EPB41L3: variants seen among roughly 807,000 people sequenced by gnomAD.
EPB41L3 encodes the protein erythrocyte membrane protein band 4.1 like 3, also known as band 4.1-like protein 3.
In EPB41L3, 57 loss-of-function variants were observed where a neutral mutation model predicts 127.1. The observed-to-expected ratio is 0.45, with a 90% confidence interval of 0.36 to 0.56. The LOEUF is 0.56. EPB41L3 is among the 20% of genes least tolerant of loss of function. The probability of loss-of-function intolerance (pLI) is 0.00; values close to 1 mark genes in which losing one functional copy is unlikely to be tolerated. For missense variants in EPB41L3, 1,273 were observed against 1,372.2 expected (o/e 0.93, Z 1.14); for synonymous variants, 572 against 549.5 (o/e 1.04, Z -0.57).
At chr18:5,532,993 C>T (rs1055432107) in intron 1 of EPB41L3, among the ~76,000 whole-genome samples, 1 of 151,342 alleles carries the variant, frequency 6.6e-6, no homozygotes, top group African/African-American at 2.4e-5. Context: ...TTACTGGACA[C>T]TGGGCAAAAA....
In EPB41L3 at chr18:5,543,901, C is replaced by T; in HGVS notation, c.-12+12G>A. The T allele has an allele frequency of 8.1e-6, 8 of 984,784 alleles. No individual in the cohort carries two copies. The highest frequency in any genetic ancestry group is 8.4e-6 in the Non-Finnish European group (7 of 829,864). The allele number at this position is 984,784 out of a possible 1,614,324, so 61.0% of individuals were successfully genotyped here. A position where few individuals can be genotyped will look rare whatever the true frequency, so the allele number is the denominator to read the frequency against. ...CCTCGCAGTCCCCCACTCCGAGAGG[C>T]GGAAAAGTTACCTGGGATCAGCAGG... On this transcript the variant is annotated intron_variant, in intron 1 of 22. Coordinates refer to ENST00000341928, the MANE Select transcript of EPB41L3 (RefSeq NM_012307.5). The surrounding 1 kb of genome is among the most constrained non-coding windows in gnomAD (Gnocchi z 5.2).
At chr18:5,568,264 G>C (rs528711331) in intron 3 of EPB41L3, among the ~76,000 whole-genome samples, 3 of 151,960 alleles carry the variant, frequency 2.0e-5, no homozygotes, top group Middle Eastern at 6.8e-3. Context: ...TTTTAGGTGT[G>C]AACTTAAAAA....
intron 18 of EPB41L3, 51 bp from the exon 19 acceptor site, chr18:5,396,383 A>G (rs556863431): frequency 6.2e-7 from 1 of 1,608,990 alleles, no homozygotes; most frequent in South Asian, 1.1e-5. Flanking sequence ...GCATGAACAC[A>G]TTGTTTTCTT....
intron 1 of EPB41L3, chr18:5,518,639 G>C (rs548779323): frequency 2.0e-5 from 3 of 152,116 alleles, no homozygotes; most frequent in Non-Finnish European, 4.4e-5. Flanking sequence ...AGTCTTTGTT[G>C]AATAAACAAA....
At chr18:5,396,866 A>C (rs2073604596) in intron 18 of EPB41L3, among the ~76,000 whole-genome samples, 192 bp downstream of exon 18, 1 of 152,176 alleles carries the variant, frequency 6.6e-6, no homozygotes, top group Admixed American at 6.5e-5. Context: ...ATATGTTTGC[A>C]TGTGACACCA....
chr18:5,428,235 A>AT, intron 9 of EPB41L3, 78 bp downstream of exon 9: 1 of 1,544,460 alleles, frequency 6.5e-7, no homozygotes, highest in South Asian at 1.2e-5. Context: ...CTCAGAACTC[A>AT]TAAGCAGATA....
chr18:5,418,368 G>A (rs772523187), intron 12 of EPB41L3, among the ~76,000 whole-genome samples: 25 of 152,166 alleles, frequency 1.6e-4, no homozygotes, highest in South Asian at 2.1e-4. Context: ...CTTATCTTGG[G>A]AGCAAAACTA....
At chr18:5,561,132 T>G (rs1719989) in intron 3 of EPB41L3, among the ~76,000 whole-genome samples, 2 of 145,116 alleles carry the variant, frequency 1.4e-5, no homozygotes, top group Admixed American at 6.9e-5. Flanking sequence ...CGCCCGCCAC[T>G]ACGCCCGGCT....
chr18:5,553,787 G>A (rs1017589698), intron 3 of EPB41L3, among the ~76,000 whole-genome samples: 1 of 152,120 alleles, frequency 6.6e-6, no homozygotes, highest in Admixed American at 6.5e-5. Flanking sequence ...GCCACCCTGA[G>A]ACCCCTATAG....
At chr18:5,607,683 A>G (rs2094676103) in intron 3 of EPB41L3, among the ~76,000 whole-genome samples, 1 of 152,240 alleles carries the variant, frequency 6.6e-6, no homozygotes, top group African/African-American at 2.4e-5. Flanking sequence ...TTCCATTAAA[A>G]TATGTTTATA....
intron 1 of EPB41L3, among the ~76,000 whole-genome samples, chr18:5,529,936 G>GTGTGTGTA (rs2093358076): frequency 6.6e-6 from 1 of 150,858 alleles, no homozygotes; most frequent in Admixed American, 6.6e-5. Flanking sequence ...ATATGTGTGT[G>GTGTGTGTA]TGTGTGTGTG....
At chr18:5,630,659 C>T (rs2094983967), upstream of EPB41L3, 1 of 352,806 alleles carries the variant, frequency 2.8e-6, no homozygotes, top group Non-Finnish European at 5.4e-6. Context: ...GCTTCGGGCG[C>T]CTGTGACAGC....
At chr18:5,393,538 T>C in intron 22 of EPB41L3, 60 bp from the exon 23 acceptor site, 2 of 695,414 alleles carry the variant, frequency 2.9e-6, no homozygotes, top group African/African-American at 1.8e-5. Context: ...TTTTCTCAGA[T>C]CAAGGACACA....
In EPB41L3 at chr18:5,508,026, G is replaced by A. The variant is rs1490694729; in HGVS notation, c.-11-18832C>T. 41 of 152,114 alleles carry A rather than the reference G, an allele frequency of 2.7e-4. 1 individual carries two copies. The highest frequency in any genetic ancestry group is 2.4e-3 in the Admixed American group (36 of 15,274). The allele number at this position is 152,114 out of a possible 1,614,324, so 9.4% of individuals were successfully genotyped here. ...CTTGGGAGATAATTACTTACCCCAG[G>A]ACTTTCTCAGGAGGGAGATAAGGGA... On this transcript the variant is annotated intron_variant, in intron 1 of 22. Transcript: ENST00000341928.
intron 1 of EPB41L3, among the ~76,000 whole-genome samples, chr18:5,489,559 A>G (rs908282292): frequency 6.6e-6 from 1 of 152,184 alleles, no homozygotes; most frequent in Non-Finnish European, 1.5e-5. Context: ...ATATATTTCA[A>G]TCCCTTGGAA....
At chr18:5,484,062 C>CTT (rs2089144815) in intron 2 of EPB41L3, among the ~76,000 whole-genome samples, 1 of 83,964 alleles carries the variant, frequency 1.2e-5, no homozygotes, top group Non-Finnish European at 2.2e-5. Flanking sequence ...ATGTCTTAGG[C>CTT]TATAAAACAA....
chr18:5,498,608 A>AAAAAAAAAG (rs1448249391), intron 1 of EPB41L3, among the ~76,000 whole-genome samples: 1 of 144,596 alleles, frequency 6.9e-6, no homozygotes. Flanking sequence ...AAAAAAAAAA[A>AAAAAAAAAG]AAAGAAAATG....
intron 13 of EPB41L3, among the ~76,000 whole-genome samples, chr18:5,412,524 A>G (rs2076323839): frequency 6.6e-6 from 1 of 152,220 alleles, no homozygotes; most frequent in Non-Finnish European, 1.5e-5. Context: ...CCGCGCGCCC[A>G]GCTCGAATGA....
chr18:5,562,072 C>T (rs2094141943), intron 3 of EPB41L3, among the ~76,000 whole-genome samples: 1 of 152,018 alleles, frequency 6.6e-6, no homozygotes, highest in Non-Finnish European at 1.5e-5. Context: ...AAGTGGAATC[C>T]CAGATTGGGT....
Sources: gnomAD v4.1 joint callset for allele counts (sites outside exome capture counted in the v4.1 genomes callset) on GRCh38, gnomAD v4.1.1 for gene constraint, Gnocchi (gnomAD v3.1) non-coding constraint, MANE v1.5 for transcripts, NCBI Gene and HGNC (gene_info 2026-07-23, HGNC 2026-07-21) for gene names.